Variants in MAP3K3 observed in about 807,000 individuals in gnomAD.
MAP3K3 encodes the protein mitogen-activated protein kinase kinase kinase 3, also known as MAP/ERK kinase kinase 3.
Under a neutral mutation model 80.9 loss-of-function variants are expected in MAP3K3, and 12 were observed. The observed-to-expected ratio is 0.15, with a 90% CI of 0.10 to 0.24. The LOEUF is 0.24. Among genes scored for constraint, MAP3K3 ranks in the 10% least tolerant of loss-of-function variants. MAP3K3 has a pLI of 1.00. For missense variants in MAP3K3, 596 were observed against 834.7 expected, an observed-to-expected ratio of 0.71 and a Z score of 3.52; for synonymous variants, 272 against 307.1, an observed-to-expected ratio of 0.89 and a Z score of 1.19.
In MAP3K3 at chr17:63,635,280, G is replaced by A. The variant is rs935975333; in HGVS notation, c.126+2478G>A. Among the ~76,000 whole-genome samples, 9 of 152,094 alleles carry A rather than the reference G, an allele frequency of 5.9e-5. No homozygotes were observed. The South Asian group carries it at 1.2e-3, about 21-fold the overall frequency. ...ATTGGTATGTTCATTCCTTACACAC[G>A]TCATGAGTTTCTGTACATTGTGATA... is the stretch of plus-strand genomic sequence containing the variant. On this transcript the variant is annotated intron_variant, in intron 2 of 15. Coordinates refer to ENST00000361733, the MANE Select transcript of MAP3K3 (RefSeq NM_002401.5).
In MAP3K3 at chr17:63,652,036, CTTTTA is replaced by C. The variant is rs151251383; in HGVS notation, c.168-517_168-513del. 2.5e-3 allele frequency among the ~76,000 whole-genome samples: 382 copies of C among 152,246 alleles called. 4 individuals carry two copies. The highest frequency in any genetic ancestry group is 8.9e-3 in the African/African-American group (371 of 41,532). On this transcript the variant is annotated intron_variant, in intron 3 of 15. Coordinates refer to ENST00000361733, the MANE Select transcript of MAP3K3 (RefSeq NM_002401.5). ...TTCCTAAATAATTTTTTTCTTTCAA[CTTTTA>C]TTTAAGTTCTGGGGTACATGTGTAG...
At chr17:63,675,068 A>G (rs991697926) in intron 6 of MAP3K3, among the ~76,000 whole-genome samples, 2 of 152,096 alleles carry the variant, frequency 1.3e-5, no homozygotes, top group South Asian at 2.1e-4. Context: ...CCTCCTTGCT[A>G]TAAGTTCTAT....
chr17:63,691,640 C>G lies in MAP3K3; in HGVS notation c.1345-93C>G. The G allele has an allele frequency of 6.6e-7, 1 of 1,518,218 alleles. No individual in the cohort carries two copies. The highest frequency in any genetic ancestry group is 8.9e-7 in the Non-Finnish European group (1 of 1,122,242). 94.0% of individuals were successfully genotyped at this position (1,518,218 alleles called of 1,614,324 possible). A position where few individuals can be genotyped will look rare whatever the true frequency, so the allele number is the denominator to read the frequency against. ...CCAGCCAGATAGGAATTGAACAAAT[C>G]ACTCCTTTGCTGCCATGCTGGGGGC... On this transcript the variant is annotated intron_variant, in intron 13 of 15. Coordinates refer to ENST00000361733, the MANE Select transcript of MAP3K3 (RefSeq NM_002401.5). This position sits in a 1 kb window ranked among gnomAD's most constrained non-coding sequence, Gnocchi z 4.8.
chr17:63,669,867 C>T (rs1456845773), intron 6 of MAP3K3, among the ~76,000 whole-genome samples: 2 of 151,874 alleles, frequency 1.3e-5, no homozygotes, highest in East Asian at 1.9e-4. Context: ...TTTAGGAGGC[C>T]GAGTTGGGTG....
chr17:63,649,125 G>A (rs998966295), intron 3 of MAP3K3, among the ~76,000 whole-genome samples: 3 of 152,046 alleles, frequency 2.0e-5, no homozygotes, highest in Non-Finnish European at 4.4e-5. Flanking sequence ...TGAGACAGAG[G>A]AACCTTTTTC....
chr17:63,657,852 G>T lies in MAP3K3; in HGVS notation c.326G>T (p.Arg109Ile). 1 of 1,609,594 alleles carries T rather than the reference G, an allele frequency of 6.2e-7. No individual in the cohort carries two copies. The highest frequency in any genetic ancestry group is 8.5e-7 in the Non-Finnish European group (1 of 1,177,168). Reference sequence around the variant, plus strand: ...GATAAAGCAATTGACATTTTAGATAGAAGCTCAAGCATGAAAAGCCTTAGG... The same window carrying T: ...GATAAAGCAATTGACATTTTAGATATAAGCTCAAGCATGAAAAGCCTTAGG... ...DLDKAIDILD[R>I]SSSMKSLRIL... The change falls in exon 5 of 16, where the codon AGA becomes ATA. Residue 109 changes from arginine (R) to isoleucine (I), a missense_variant. Coordinates refer to ENST00000361733, the MANE Select transcript of MAP3K3 (RefSeq NM_002401.5).
intron 1 of MAP3K3, among the ~76,000 whole-genome samples, chr17:63,623,127 C>T (rs1021475981): frequency 4.6e-5 from 7 of 152,068 alleles, no homozygotes; most frequent in African/African-American, 1.7e-4. Flanking sequence ...CAGTGTGGGG[C>T]CCGGGCTGGA....
intron 4 of MAP3K3, among the ~76,000 whole-genome samples, chr17:63,656,241 T>C (rs997958413): frequency 1.4e-5 from 2 of 144,204 alleles, no homozygotes; most frequent in African/African-American, 2.6e-5. Flanking sequence ...AAAAAAAAAA[T>C]CTTGTATTAT....
intron 10 of MAP3K3, 79 bp downstream of exon 10, chr17:63,688,960 G>T: frequency 2.0e-6 from 2 of 991,536 alleles, no homozygotes; most frequent in Non-Finnish European, 3.2e-6. Flanking sequence ...GTTCGTCCAT[G>T]CAGTGCCTGT....
chr17:63,662,116 T>C (rs2034904752), intron 5 of MAP3K3, among the ~76,000 whole-genome samples: 2 of 123,798 alleles, frequency 1.6e-5, no homozygotes, highest in African/African-American at 6.3e-5. Context: ...TCAATAATAA[T>C]AACATTGGGC....
At chr17:63,652,506 C>T in intron 3 of MAP3K3, 51 bp from the exon 4 acceptor site, 1 of 1,190,208 alleles carries the variant, frequency 8.4e-7, no homozygotes, top group East Asian at 2.4e-5. Context: ...CTTTTTAAAC[C>T]CTACGTTTTA....
Position 63,691,460 on chromosome 17 carries a change from A to AG in MAP3K3, c.1344+229dup, listed in dbSNP as rs1888445535. ...CTGTCCTAGGTCCAGCACTCCCCTG[A>AG]GGCATGCAGGGCTGGCCCACTGTCC... On this transcript the variant is annotated intron_variant, in intron 13 of 15. Transcript: ENST00000361733. The surrounding 1 kb of genome is among the most constrained non-coding windows in gnomAD (Gnocchi z 4.8). Among the ~76,000 whole-genome samples the AG allele has an allele frequency of 6.6e-6, 1 of 152,188 alleles. No homozygotes were observed. Among genetic ancestry groups the AG allele is most frequent in the African/African-American group, 2.4e-5 (1 of 41,448 alleles).
intron 5 of MAP3K3, among the ~76,000 whole-genome samples, chr17:63,663,722 C>A (rs1386296489): frequency 6.6e-6 from 1 of 151,902 alleles, no homozygotes; most frequent in South Asian, 2.1e-4. Flanking sequence ...ATAGCAAGAC[C>A]CCCATCTCTA....
chr17:63,690,139 T>C, intron 11 of MAP3K3, 125 bp from the exon 12 acceptor site: 1 of 1,095,400 alleles, frequency 9.1e-7, no homozygotes, highest in Non-Finnish European at 1.3e-6. Flanking sequence ...GTGGAGATGC[T>C]CTACTAAGAG....
chr17:63,685,416 T>C, intron 7 of MAP3K3, 101 bp from the exon 8 acceptor site: 1 of 877,734 alleles, frequency 1.1e-6, no homozygotes, highest in Non-Finnish European at 2.0e-6. Flanking sequence ...ACTTTCATGT[T>C]TTGACAAAAA....
At position 63,691,337 on chromosome 17, in the gene MAP3K3, T is replaced by C; in HGVS notation, c.1344+104T>C. On this transcript the variant is annotated intron_variant, in intron 13 of 15. Transcript: ENST00000361733. This position sits in a 1 kb window ranked among gnomAD's most constrained non-coding sequence, Gnocchi z 4.8. ...CACCTTGGATAGGAGTTTGAACACC[T>C]GAGGCTCCAGAGGCCCAGAGGAGCA... 1 of 1,518,158 alleles carries C rather than the reference T, an allele frequency of 6.6e-7. No individual in the cohort carries two copies. Among genetic ancestry groups the C allele is most frequent in the Non-Finnish European group, 9.0e-7 (1 of 1,108,564 alleles). The allele number at this position is 1,518,158 out of a possible 1,614,324, so 94.0% of individuals were successfully genotyped here.
chr17:63,658,553 A>AT (rs2034819525), intron 5 of MAP3K3, among the ~76,000 whole-genome samples: 1 of 152,040 alleles, frequency 6.6e-6, no homozygotes, highest in South Asian at 2.1e-4. Context: ...CCAATTACTG[A>AT]TTCTTCTACC....
rs2035672093 is a variant in MAP3K3 at position 63,695,407 on chromosome 17, G to T, written c.*1630G>T. On this transcript the variant is annotated 3_prime_UTR_variant, in exon 16 of 16. Transcript: ENST00000361733. The surrounding 1 kb of genome is among the most constrained non-coding windows in gnomAD (Gnocchi z 4.1). Reference sequence around the variant, plus strand: ...GAGAGAAGAGAAAATGAAAGCAGCTGGTTTTGCAGAAGTGTGTGTCGCATG... The same window carrying T: ...GAGAGAAGAGAAAATGAAAGCAGCTTGTTTTGCAGAAGTGTGTGTCGCATG... The T allele has an allele frequency of 6.5e-6, 1 of 152,694 alleles. No homozygotes were observed. The highest frequency in any genetic ancestry group is 1.5e-5 in the Non-Finnish European group (1 of 68,088). The allele number at this position is 152,694 out of a possible 1,614,324, so 9.5% of individuals were successfully genotyped here. A position where few individuals can be genotyped will look rare whatever the true frequency, so the allele number is the denominator to read the frequency against.
At chr17:63,634,644 A>G (rs558189191) in intron 2 of MAP3K3, 9 of 1,317,170 alleles carry the variant, frequency 6.8e-6, no homozygotes, top group African/African-American at 5.9e-5. Flanking sequence ...ATTTACTTCA[A>G]TGTTGTCAAA....
Sources: allele counts gnomAD v4.1 joint callset (sites outside exome capture counted in the v4.1 genomes callset), GRCh38; gene constraint gnomAD v4.1.1; non-coding constraint Gnocchi (gnomAD v3.1); transcripts MANE v1.5; gene names NCBI Gene and HGNC (gene_info 2026-07-23, HGNC 2026-07-21).